Variants in ELP3 observed in about 807,000 individuals in gnomAD.
ELP3 encodes elongator complex protein 3.
Under a neutral mutation model 74.9 loss-of-function variants are expected in ELP3, and 56 were observed. The ratio of observed to expected loss-of-function variants is 0.75; its 90% confidence interval spans 0.60 to 0.93. The LOEUF (loss-of-function observed/expected upper bound fraction) is 0.93. Ranked by LOEUF, ELP3 falls within the 40% of genes least tolerant of loss-of-function variation. The probability of loss-of-function intolerance (pLI) is 0.00; values close to 1 mark genes in which losing one functional copy is unlikely to be tolerated. For missense variants in ELP3, 573 were observed against 686.5 expected, an observed-to-expected ratio of 0.83 and a Z score of 1.85; for synonymous variants, 222 against 239.8, an observed-to-expected ratio of 0.93 and a Z score of 0.68.
At chr8:28,135,493 G>A (rs189618716) in intron 9 of ELP3, among the ~76,000 whole-genome samples, 88 of 152,246 alleles carry the variant, frequency 5.8e-4, no homozygotes, top group Admixed American at 9.8e-4. Flanking sequence ...CAGAGAGTAG[G>A]GCGGAGAGTC....
chr8:28,157,302 A>AAC (rs1563278185), intron 11 of ELP3, among the ~76,000 whole-genome samples: 1 of 152,026 alleles, frequency 6.6e-6, no homozygotes, highest in Non-Finnish European at 1.5e-5. Context: ...AAAAAAAAAA[A>AAC]AAACAGAAAC....
At chr8:28,159,511 G>A (rs1813981489) in intron 12 of ELP3, among the ~76,000 whole-genome samples, 2 of 152,110 alleles carry the variant, frequency 1.3e-5, no homozygotes, top group Non-Finnish European at 2.9e-5. Flanking sequence ...GTGTGGCCAT[G>A]TCCATATGTA....
chr8:28,165,498 T>C (rs559652290), intron 14 of ELP3, among the ~76,000 whole-genome samples: 1 of 152,342 alleles, frequency 6.6e-6, no homozygotes, highest in Admixed American at 6.5e-5. Flanking sequence ...AATCCATCCT[T>C]GTTCCAGGTC....
chr8:28,099,870 G>T lies in ELP3; in HGVS notation c.162G>T (p.Gln54His), dbSNP rs775380211. 1 of 1,614,220 alleles carries T rather than the reference G, an allele frequency of 6.2e-7. No individual in the cohort carries two copies. The highest frequency in any genetic ancestry group is 8.5e-7 in the Non-Finnish European group (1 of 1,180,040). ...KTAAKYGLSA[Q>H]PRLVDIIAAV... Reference sequence around the variant, plus strand: ...CTGCCAAATATGGCCTTTCTGCCCAGCCCCGCCTGGTGGATATCATTGCTG... The same window carrying T: ...CTGCCAAATATGGCCTTTCTGCCCATCCCCGCCTGGTGGATATCATTGCTG... Residue 54 changes from glutamine (Q) to histidine (H), a missense_variant, in exon 3 of 15, where the codon CAG becomes CAT. By Grantham distance (24) the Gln-to-His change is conservative (BLOSUM62 0). Coordinates refer to ENST00000256398, the MANE Select transcript of ELP3 (RefSeq NM_018091.6).
intron 8 of ELP3, among the ~76,000 whole-genome samples, chr8:28,129,997 A>G (rs768464395): frequency 6.6e-6 from 1 of 152,216 alleles, no homozygotes; most frequent in East Asian, 1.9e-4. Flanking sequence ...AACAAAGAAA[A>G]GAGTTTGAAT....
At chr8:28,182,696 G>A (rs1358276655) in intron 14 of ELP3, among the ~76,000 whole-genome samples, 2 of 152,106 alleles carry the variant, frequency 1.3e-5, no homozygotes, top group African/African-American at 2.4e-5. Flanking sequence ...CAGGATGAGC[G>A]TGCTCCTGCA....
intron 14 of ELP3, among the ~76,000 whole-genome samples, chr8:28,180,501 T>C (rs759322550): frequency 3.9e-5 from 6 of 152,216 alleles, no homozygotes; most frequent in Non-Finnish European, 7.3e-5. Flanking sequence ...TTTTCAGACA[T>C]TGAACATAGT....
At position 28,191,151 on chromosome 8, in the gene ELP3, A is replaced by G. The variant is rs6992370; in HGVS notation, c.*1426A>G. ...TGAAAATAAAAAGTCTTTAACATAC[A>G]AAGAAGAGTCATGTGGTTTTCTTTC... is the stretch of plus-strand genomic sequence containing the variant. On this transcript the variant is annotated 3_prime_UTR_variant, in exon 15 of 15. Coordinates refer to ENST00000256398, the MANE Select transcript of ELP3 (RefSeq NM_018091.6). 2.6e-5 allele frequency: 4 copies of G among 152,058 alleles called. No individual in the cohort carries two copies. Among genetic ancestry groups the G allele is most frequent in the Admixed American group, 2.6e-4 (4 of 15,278 alleles). The allele number at this position is 152,058 out of a possible 1,614,324, so 9.4% of individuals were successfully genotyped here. A position where few individuals can be genotyped will look rare whatever the true frequency, so the allele number is the denominator to read the frequency against.
At chr8:28,101,311 T>G (rs1028366178) in intron 3 of ELP3, among the ~76,000 whole-genome samples, 1 of 150,830 alleles carries the variant, frequency 6.6e-6, no homozygotes, top group Non-Finnish European at 1.5e-5. Flanking sequence ...TCCCAGCTAC[T>G]CCAGAGGCTG....
chr8:28,092,051 C>T (rs1811067364), upstream of ELP3, among the ~76,000 whole-genome samples: 1 of 152,110 alleles, frequency 6.6e-6, no homozygotes, highest in South Asian at 2.1e-4. Context: ...TTTGCATGGT[C>T]AGGGTGGAAT....
At chr8:28,160,111 G>T in intron 12 of ELP3, 118 bp from the exon 13 acceptor site, 1 of 873,490 alleles carries the variant, frequency 1.1e-6, no homozygotes, top group Non-Finnish European at 1.7e-6. Context: ...AACATAATTA[G>T]TGATTATTCA....
intron 7 of ELP3, among the ~76,000 whole-genome samples, chr8:28,118,204 G>C (rs757672898): frequency 9.9e-5 from 15 of 152,184 alleles, no homozygotes; most frequent in Non-Finnish European, 2.1e-4. Context: ...TGTGACCTAT[G>C]AGTCAGCAAG....
chr8:28,152,041 C>T (rs1451386381), intron 10 of ELP3, among the ~76,000 whole-genome samples: 2 of 152,168 alleles, frequency 1.3e-5, no homozygotes, highest in Admixed American at 1.3e-4. Flanking sequence ...AGTTTCCACT[C>T]AGGAGTCTCT....
At chr8:28,139,805 C>T (rs942528713) in intron 10 of ELP3, among the ~76,000 whole-genome samples, 3 of 152,180 alleles carry the variant, frequency 2.0e-5, no homozygotes, top group East Asian at 1.9e-4. Flanking sequence ...AATGGCCAGA[C>T]GTGGTGGCAG....
At chr8:28,151,662 G>T (rs7015702) in intron 10 of ELP3, among the ~76,000 whole-genome samples, 1 of 152,108 alleles carries the variant, frequency 6.6e-6, no homozygotes, top group Non-Finnish European at 1.5e-5. Context: ...ACATCACAAG[G>T]GTTTCTCAGT....
chr8:28,162,611 G>T (rs1051154679), intron 14 of ELP3, among the ~76,000 whole-genome samples: 1 of 152,130 alleles, frequency 6.6e-6, no homozygotes, highest in African/African-American at 2.4e-5. Flanking sequence ...CCCTGGCTGG[G>T]TCCGAAAATT....
chr8:28,164,048 C>A (rs775401073), intron 14 of ELP3, among the ~76,000 whole-genome samples: 1 of 152,192 alleles, frequency 6.6e-6, no homozygotes, highest in Non-Finnish European at 1.5e-5. Context: ...TGATAATAGT[C>A]AAGTGACTTT....
At chr8:28,175,365 T>C (rs192962020) in intron 14 of ELP3, among the ~76,000 whole-genome samples, 29 of 152,328 alleles carry the variant, frequency 1.9e-4, no homozygotes, top group African/African-American at 7.0e-4. Flanking sequence ...TTGCATTATC[T>C]TAAAGTCCAC....
intron 1 of ELP3, among the ~76,000 whole-genome samples, chr8:28,093,974 T>C (rs1811150788): frequency 6.6e-6 from 1 of 152,244 alleles, no homozygotes; most frequent in Non-Finnish European, 1.5e-5. Flanking sequence ...GATATGGAGC[T>C]GGCTGGTCAG....
Sources: gnomAD v4.1 joint callset for allele counts (sites outside exome capture counted in the v4.1 genomes callset) on GRCh38, gnomAD v4.1.1 for gene constraint, MANE v1.5 for transcripts, NCBI Gene and HGNC (gene_info 2026-07-23, HGNC 2026-07-21) for gene names.